The following GPC3 variants were observed in gnomAD, a reference collection of about 807,000 sequenced individuals.
The protein encoded by GPC3 is glypican 3, also known as glypican-3.
A neutral mutation model predicts 34.4 loss-of-function variants in GPC3; 3 were observed. The observed-to-expected ratio is 0.09, with a 90% confidence interval of 0.04 to 0.23. The LOEUF is 0.23. Among genes scored for constraint, GPC3 ranks in the 10% least tolerant of loss-of-function variants. The pLI is 1.00. For missense variants in GPC3, 351 were observed against 445.6 expected (o/e 0.79, Z 1.91); for synonymous variants, 177 against 174.0 (o/e 1.02, Z -0.13).
intron 2 of GPC3, among the ~76,000 whole-genome samples, chrX:133,874,362 T>C (rs1047339041): frequency 3.6e-5 from 4 of 112,024 alleles, no homozygotes; most frequent in African/African-American, 1.3e-4. Flanking sequence ...CTTTATTTCA[T>C]GTAATCTTTA....
chrX:133,927,572 G>A (rs1232343104), intron 2 of GPC3, among the ~76,000 whole-genome samples: 3 of 109,245 alleles, frequency 2.7e-5, no homozygotes, highest in Admixed American at 9.9e-5. Flanking sequence ...ATCCTCCCTG[G>A]GCTCAGGTAA....
chrX:133,730,871 C>T lies in GPC3; in HGVS notation c.1032+22611G>A, dbSNP rs1341385088. On this transcript the variant is annotated intron_variant, in intron 3 of 7. Transcript: ENST00000370818. Reference sequence around the variant, plus strand: ...AAGCCATGTTTTAGTTCTGGTTTGACATTAACTGGTTGATCTTTGGCAATT... The same window carrying T: ...AAGCCATGTTTTAGTTCTGGTTTGATATTAACTGGTTGATCTTTGGCAATT... Among the ~76,000 whole-genome samples the T allele has an allele frequency of 5.4e-5, 6 of 111,968 alleles. No individual in the cohort carries two copies. The East Asian group carries it at 1.7e-3, about 31-fold the overall frequency.
intron 2 of GPC3, among the ~76,000 whole-genome samples, chrX:133,800,976 CT>C (rs1245840278): frequency 1.8e-5 from 2 of 112,204 alleles, no homozygotes. Flanking sequence ...ATGATACTAT[CT>C]CTGCTGCTTT....
intron 7 of GPC3, among the ~76,000 whole-genome samples, chrX:133,580,252 G>A (rs1028328564): frequency 5.4e-5 from 6 of 111,942 alleles, no homozygotes; most frequent in African/African-American, 1.9e-4. Flanking sequence ...TCGAAGGAAG[G>A]CAGACTAACT....
At chrX:133,778,487 G>A (rs949172681) in intron 2 of GPC3, among the ~76,000 whole-genome samples, 3 of 111,949 alleles carry the variant, frequency 2.7e-5, no homozygotes, top group African/African-American at 9.7e-5. Context: ...GACCCACTGA[G>A]CAACTGATAC....
intron 5 of GPC3, chrX:133,671,338 G>A (rs1026657574): frequency 6.0e-6 from 4 of 668,095 alleles, no homozygotes; most frequent in African/African-American, 4.3e-5. Context: ...AGAAAGTCAG[G>A]GGGACCGCAA....
At chrX:133,984,528 C>T (rs1481180684) in intron 1 of GPC3, among the ~76,000 whole-genome samples, 1 of 111,798 alleles carries the variant, frequency 8.9e-6, no homozygotes, top group Non-Finnish European at 1.9e-5. Flanking sequence ...GAAATCATCT[C>T]CCCTTTAGGA....
chrX:133,818,284 T>C (rs2075702082), intron 2 of GPC3, among the ~76,000 whole-genome samples: 1 of 112,004 alleles, frequency 8.9e-6, no homozygotes, highest in South Asian at 3.7e-4. Context: ...ATTTGCCCGA[T>C]ATCCCTTTCA....
At chrX:133,826,169 GA>G (rs2075745500) in intron 2 of GPC3, among the ~76,000 whole-genome samples, 1 of 111,523 alleles carries the variant, frequency 9.0e-6, no homozygotes, top group African/African-American at 3.3e-5. Context: ...ACACAGAAGG[GA>G]AAAGTAATCA....
intron 2 of GPC3, among the ~76,000 whole-genome samples, chrX:133,889,831 C>CTTTT (rs781203121): frequency 3.0e-3 from 227 of 75,702 alleles, no homozygotes; most frequent in Non-Finnish European, 3.8e-3. Context: ...TTCTAGCCTT[C>CTTTT]TTTTTTTTTT....
intron 2 of GPC3, among the ~76,000 whole-genome samples, chrX:133,856,965 T>C (rs923564456): frequency 8.9e-6 from 1 of 112,016 alleles, no homozygotes; most frequent in African/African-American, 3.2e-5. Flanking sequence ...TGATGGTAAA[T>C]GTGATAGCAT....
intron 2 of GPC3, among the ~76,000 whole-genome samples, chrX:133,795,368 G>A: frequency 8.9e-6 from 1 of 112,198 alleles, no homozygotes; most frequent in East Asian, 2.8e-4. Flanking sequence ...CAAAGGCAGA[G>A]AGTCTGCTTA....
chrX:133,579,962 G>A (rs1292623655), intron 7 of GPC3, among the ~76,000 whole-genome samples: 1 of 112,866 alleles, frequency 8.9e-6, no homozygotes, highest in East Asian at 2.8e-4. Flanking sequence ...AGTGCTTTAT[G>A]TATATTACAG....
chrX:133,958,725 A>AAC (rs1252458961), intron 1 of GPC3, among the ~76,000 whole-genome samples: 15 of 95,005 alleles, frequency 1.6e-4, no homozygotes, highest in African/African-American at 5.5e-4. Context: ...AAAAAAAAAC[A>AAC]AAAAAAAAAA....
At chrX:133,681,532 CA>C (rs780403544) in intron 5 of GPC3, among the ~76,000 whole-genome samples, 13 of 111,893 alleles carry the variant, frequency 1.2e-4, no homozygotes, top group Non-Finnish European at 2.4e-4. Context: ...AAGAAGTCAC[CA>C]AGAGCTTGTA....
At chrX:133,815,753 A>C (rs1328416825) in intron 2 of GPC3, among the ~76,000 whole-genome samples, 2 of 111,778 alleles carry the variant, frequency 1.8e-5, no homozygotes, top group African/African-American at 6.5e-5. Flanking sequence ...TGTTTCATTT[A>C]AAAGCAGACA....
rs986895433 is a variant in GPC3, at chrX:133,933,278, T to C, written c.337+19772A>G. ...TATCCAGAGCACATCATTTCTAGGT[T>C]ACTAGAAACCTAGAGATGCCAACAA... is the stretch of plus-strand genomic sequence containing the variant. On this transcript the variant is annotated intron_variant, in intron 2 of 7. Coordinates refer to ENST00000370818, the MANE Select transcript of GPC3 (RefSeq NM_004484.4). Among the ~76,000 whole-genome samples the C allele has an allele frequency of 4.5e-5, 5 of 110,543 alleles. No individual in the cohort carries two copies. The South Asian group carries it at 2.0e-3, about 44-fold the overall frequency.
chrX:133,568,811 G>T lies in GPC3; in HGVS notation c.1573+27629C>A, dbSNP rs369842847. On this transcript the variant is annotated intron_variant, in intron 7 of 7. Coordinates refer to ENST00000370818, the MANE Select transcript of GPC3 (RefSeq NM_004484.4). Reference sequence around the variant, plus strand: ...AAATGGTATATAGAGAGGCACAGAGGCATGGAAAAATGGAAAATGCTCAGG... The same window carrying T: ...AAATGGTATATAGAGAGGCACAGAGTCATGGAAAAATGGAAAATGCTCAGG... Among the ~76,000 whole-genome samples the T allele has an allele frequency of 4.5e-5, 5 of 110,911 alleles. 1 individual carries two copies. In the East Asian group the frequency reaches 1.4e-3, roughly 31 times the overall value.
intron 7 of GPC3, among the ~76,000 whole-genome samples, chrX:133,541,412 T>C (rs1211474779): frequency 8.9e-6 from 1 of 112,204 alleles, no homozygotes; most frequent in African/African-American, 3.2e-5. Context: ...GAATGTATTT[T>C]TGCTGTATTA....
Sources: allele counts gnomAD v4.1 joint callset (sites outside exome capture counted in the v4.1 genomes callset), GRCh38; gene constraint gnomAD v4.1.1; transcripts MANE v1.5; gene names NCBI Gene and HGNC (gene_info 2026-07-23, HGNC 2026-07-21).